The following TMX4 variants were observed in gnomAD, a reference collection of about 807,000 sequenced individuals.
TMX4 encodes thioredoxin related transmembrane protein 4, also known as thioredoxin-related transmembrane protein 4.
Under a neutral mutation model 33.3 loss-of-function variants are expected in TMX4, and 23 were observed. The ratio of observed to expected loss-of-function variants is 0.69; its 90% confidence interval spans 0.50 to 0.98. The LOEUF (loss-of-function observed/expected upper bound fraction) is 0.98, where lower values mean the gene tolerates loss of function less well. Among genes scored for constraint, TMX4 ranks in the 50% least tolerant of loss-of-function variants. The pLI is 0.00. For synonymous variants in TMX4, 164 were observed against 161.5 expected (o/e 1.02, Z -0.12); for missense variants, 399 against 448.9 (o/e 0.89, Z 1.01).
intron 1 of TMX4, chr20:8,018,976 C>A (rs1411598478): frequency 2.3e-6 from 1 of 442,786 alleles, no homozygotes; most frequent in South Asian, 1.6e-5. Context: ...TTAGCCTGTG[C>A]TACGTATTCA....
intron 3 of TMX4, among the ~76,000 whole-genome samples, chr20:8,001,018 C>T (rs1276186546): frequency 6.6e-6 from 1 of 152,146 alleles, no homozygotes; most frequent in Non-Finnish European, 1.5e-5. Context: ...TCCTAAGTAT[C>T]TCTGGAATTC....
chr20:7,998,680 C>T (rs1479341945), intron 4 of TMX4, among the ~76,000 whole-genome samples: 1 of 152,158 alleles, frequency 6.6e-6, no homozygotes, highest in East Asian at 1.9e-4. Flanking sequence ...TTAAGTACAC[C>T]AAGCTCCTTT....
Position 8,010,381 on chromosome 20 carries a change from G to A in TMX4, c.177-66C>T, listed in dbSNP as rs185891359. Reference sequence around the variant, plus strand: ...AAGAAATCTGCAAAACAGAGAAATCGAGTATTTAAATTAAAAAATAAATTA... The same window carrying A: ...AAGAAATCTGCAAAACAGAGAAATCAAGTATTTAAATTAAAAAATAAATTA... On this transcript the variant is annotated intron_variant, in intron 1 of 7. Transcript: ENST00000246024. 1.0e-4 allele frequency: 101 copies of A among 988,754 alleles called. No individual in the cohort carries two copies. The African/African-American group carries it at 1.1e-3, about 11-fold the overall frequency. The allele number at this position is 988,754 out of a possible 1,614,324, so 61.2% of individuals were successfully genotyped here. A position where few individuals can be genotyped will look rare whatever the true frequency, so the allele number is the denominator to read the frequency against.
intron 2 of TMX4, among the ~76,000 whole-genome samples, chr20:8,007,874 T>C (rs1426287331): frequency 6.6e-6 from 1 of 152,238 alleles, no homozygotes; most frequent in Non-Finnish European, 1.5e-5. Flanking sequence ...TCCTACGTTT[T>C]CTTCATATCC....
intron 2 of TMX4, among the ~76,000 whole-genome samples, chr20:8,003,907 A>G (rs1191769147): frequency 6.6e-6 from 1 of 152,198 alleles, no homozygotes; most frequent in Non-Finnish European, 1.5e-5. Flanking sequence ...ATGTTTGTCA[A>G]TATTTCTTCA....
intron 5 of TMX4, 128 bp from the exon 6 acceptor site, chr20:7,987,517 T>TA: frequency 1.8e-6 from 1 of 571,186 alleles, no homozygotes; most frequent in South Asian, 3.5e-5. Flanking sequence ...AAATGATTCT[T>TA]AAAGAACAAG....
At chr20:7,999,132 T>C (rs971387470) in intron 4 of TMX4, among the ~76,000 whole-genome samples, 9 of 152,154 alleles carry the variant, frequency 5.9e-5, no homozygotes, top group Admixed American at 3.9e-4. Flanking sequence ...AGTAGGGAAA[T>C]TTCTTACACT....
intron 1 of TMX4, among the ~76,000 whole-genome samples, chr20:8,018,361 AGAGAGAG>A (rs1473951067): frequency 4.1e-5 from 3 of 72,776 alleles, no homozygotes; most frequent in Admixed American, 1.3e-4. Context: ...AGAGAGAGAG[AGAGAGAG>A]GAGAGAGAGG....
chr20:7,994,467 T>C (rs1027518365), intron 5 of TMX4, among the ~76,000 whole-genome samples: 3 of 152,204 alleles, frequency 2.0e-5, no homozygotes, highest in Non-Finnish European at 4.4e-5. Flanking sequence ...AATGAAAAAC[T>C]GTAACTCCTT....
At chr20:7,999,077 C>T (rs973295407) in intron 4 of TMX4, among the ~76,000 whole-genome samples, 1 of 152,158 alleles carries the variant, frequency 6.6e-6, no homozygotes, top group Non-Finnish European at 1.5e-5. Context: ...ATAGATGCCA[C>T]TAGATGATTT....
At chr20:7,983,725 T>C in intron 7 of TMX4, 69 bp downstream of exon 7, 1 of 1,332,494 alleles carries the variant, frequency 7.5e-7, no homozygotes, top group East Asian at 2.3e-5. Flanking sequence ...CCACTATCTA[T>C]ATGAGCACAA....
At chr20:7,998,723 T>A (rs1430450964) in intron 4 of TMX4, among the ~76,000 whole-genome samples, 1 of 152,182 alleles carries the variant, frequency 6.6e-6, no homozygotes, top group Non-Finnish European at 1.5e-5. Context: ...GCCATACCCA[T>A]TCCTGGGAAT....
chr20:8,006,308 G>T (rs371844512), intron 2 of TMX4, among the ~76,000 whole-genome samples: 5 of 152,152 alleles, frequency 3.3e-5, no homozygotes, highest in African/African-American at 1.2e-4. Context: ...TATCTTAATA[G>T]ATCTACTGAT....
chr20:7,996,699 A>C (rs902566829), intron 4 of TMX4, among the ~76,000 whole-genome samples: 11 of 151,896 alleles, frequency 7.2e-5, no homozygotes, highest in African/African-American at 1.5e-4. Flanking sequence ...TCTTATTAGG[A>C]CTTGGTTCTT....
At chr20:7,984,496 A>C (rs1307944398) in intron 6 of TMX4, among the ~76,000 whole-genome samples, 2 of 152,186 alleles carry the variant, frequency 1.3e-5, no homozygotes, top group Non-Finnish European at 2.9e-5. Context: ...AAGCCATTAA[A>C]TCAATTTGAA....
At chr20:8,017,360 C>T (rs1480952605) in intron 1 of TMX4, among the ~76,000 whole-genome samples, 1 of 152,192 alleles carries the variant, frequency 6.6e-6, no homozygotes, top group African/African-American at 2.4e-5. Flanking sequence ...GATTACAAGA[C>T]TCATCTGGCA....
At chr20:8,019,354 C>A (rs2122893140) in intron 1 of TMX4, 84 bp downstream of exon 1, 1 of 1,419,756 alleles carries the variant, frequency 7.0e-7, no homozygotes, top group East Asian at 3.0e-5. Flanking sequence ...AGCGGCAATG[C>A]GGGATCGCCA....
chr20:8,002,760 T>C (rs1450847222), intron 2 of TMX4, among the ~76,000 whole-genome samples: 1 of 152,200 alleles, frequency 6.6e-6, no homozygotes, highest in Non-Finnish European at 1.5e-5. Flanking sequence ...ATTAAATCCA[T>C]ATTCAACATA....
intron 1 of TMX4, 200 bp downstream of exon 1, chr20:8,019,238 C>T: frequency 1.6e-6 from 1 of 614,600 alleles, no homozygotes; most frequent in Non-Finnish European, 2.6e-6. Context: ...TAAGGCGGGT[C>T]CGCGGACCCC....
Sources: allele counts gnomAD v4.1 joint callset (sites outside exome capture counted in the v4.1 genomes callset), GRCh38; gene constraint gnomAD v4.1.1; transcripts MANE v1.5; gene names NCBI Gene and HGNC (gene_info 2026-07-23, HGNC 2026-07-21).